CELSR3: variants seen among roughly 807,000 people sequenced by gnomAD.
The protein encoded by CELSR3 is cadherin EGF LAG seven-pass G-type receptor 3.
A neutral mutation model predicts 270.0 loss-of-function variants in CELSR3; 73 were observed. The ratio of observed to expected loss-of-function variants is 0.27; its 90% CI spans 0.22 to 0.33. The LOEUF is 0.33. Ranked by LOEUF, CELSR3 falls within the 10% of genes least tolerant of loss-of-function variation. The pLI, the probability that CELSR3 is intolerant of heterozygous loss-of-function variation, is 1.00. For synonymous variants in CELSR3, 1,780 were observed against 1,905.4 expected (o/e 0.93, Z 1.71); for missense variants, 3,614 against 4,533.8 (o/e 0.80, Z 5.83).
rs200370709 is a variant in CELSR3 at position 48,646,875 on chromosome 3, G to T, written c.7183C>A (p.Pro2395Thr). The change falls in exon 21 of 35, where the codon CCA (proline) becomes ACA (threonine). Residue 2395 changes from proline to threonine, a missense_variant. Coordinates refer to ENST00000164024, the MANE Select transcript of CELSR3 (RefSeq NM_001407.3). The surrounding 1 kb of genome is among the most constrained non-coding windows in gnomAD (Gnocchi z 4.8). ...GGCTCTGGCTCTGGCGGGGCTGGTG[G>T]GGGGACCACACTTGAGGTGGTGGAG... ...ENSTTSSVVP[P>T]PAPPEPEPGI... The T allele has an allele frequency of 1.3e-6, 2 of 1,588,386 alleles. No individual in the cohort carries two copies. Among genetic ancestry groups the T allele is most frequent in the African/African-American group, 1.4e-5 (1 of 73,288 alleles).
In CELSR3 at chr3:48,655,133, A is replaced by T; in HGVS notation, c.4899T>A (p.Asp1633Glu). The change falls in exon 6 of 35, where the codon GAT becomes GAA. Residue 1633 changes from aspartate (D) to glutamate (E), a missense_variant. By Grantham distance (45) the Asp-to-Glu change is conservative. Transcript: ENST00000164024. The surrounding 1 kb of genome is among the most constrained non-coding windows in gnomAD (Gnocchi z 5.8). ...GCAGAGCCACGGCCACATCACAATC[A>T]TCCACGCTTAGCACAGCCACCTTGT... ...SKDKVAVLSVDDCDVAVALQF... is the reference protein window; with the variant it reads ...SKDKVAVLSVEDCDVAVALQF... 1 of 1,613,990 alleles carries T rather than the reference A, an allele frequency of 6.2e-7. No homozygotes were observed.
chr3:48,640,987 G>A lies in CELSR3; in HGVS notation c.9025+337C>T, dbSNP rs1276055051. Reference sequence around the variant, plus strand: ...CGGGTCCCCATAAAAGCAGAGTAGGGGGCAGAAATCTTCCAGATCAGAGCA... The same window carrying A: ...CGGGTCCCCATAAAAGCAGAGTAGGAGGCAGAAATCTTCCAGATCAGAGCA... On this transcript the variant is annotated intron_variant, in intron 33 of 34. Coordinates refer to ENST00000164024, the MANE Select transcript of CELSR3 (RefSeq NM_001407.3). The surrounding 1 kb of genome is among the most constrained non-coding windows in gnomAD (Gnocchi z 7.5). 1.0e-5 allele frequency: 4 copies of A among 383,990 alleles called. No homozygotes were observed. The highest frequency in any genetic ancestry group is 6.7e-4 in the Middle Eastern group (1 of 1,488). The allele number at this position is 383,990 out of a possible 1,614,324, so 23.8% of individuals were successfully genotyped here. A position where few individuals can be genotyped will look rare whatever the true frequency, so the allele number is the denominator to read the frequency against.
Position 48,640,519 on chromosome 3 carries a change from C to T in CELSR3, c.9066G>A (p.Gln3022=), listed in dbSNP as rs2047016207. ...KNRLQYPLVP[Q]TRGAPELSWC... is the part of the protein sequence containing the mutation. ...AGGACAGCTCAGGGGCACCTCGGGT[C>T]TGTGGCACCAGTGGGTATTGCAACC... Residue 3022 remains glutamine, a synonymous_variant, in exon 34 of 35, where the codon CAG becomes CAA. Transcript: ENST00000164024. The surrounding 1 kb of genome is among the most constrained non-coding windows in gnomAD (Gnocchi z 7.5). The T allele has an allele frequency of 6.2e-7, 1 of 1,604,528 alleles. No homozygotes were observed.
Position 48,639,669 on chromosome 3 carries a change from C to G in CELSR3, c.9911+5G>C, listed in dbSNP as rs751231826. On this transcript the variant is annotated splice_donor_5th_base_variant and intron_variant, in intron 34 of 34. Transcript: ENST00000164024. This position sits in a 1 kb window ranked among gnomAD's most constrained non-coding sequence, Gnocchi z 4.1. ...GGTGCAAGCAGGTGGCTGGACCATA[C>G]TTACTCTGAGTCTGGCGACAGCTCC... The G allele has an allele frequency of 3.7e-6, 6 of 1,612,968 alleles. No individual in the cohort carries two copies. The highest frequency in any genetic ancestry group is 2.2e-5 in the South Asian group (2 of 91,066).
Position 48,644,872 on chromosome 3 carries a change from C to A in CELSR3, c.7973-44G>T, listed in dbSNP as rs917270200. 1.9e-6 allele frequency: 3 copies of A among 1,572,846 alleles called. No homozygotes were observed. The African/African-American group carries it at 4.1e-5, about 21-fold the overall frequency. On this transcript the variant is annotated intron_variant, in intron 25 of 34. Coordinates refer to ENST00000164024, the MANE Select transcript of CELSR3 (RefSeq NM_001407.3). This position sits in a 1 kb window ranked among gnomAD's most constrained non-coding sequence, Gnocchi z 4.8. ...AGGACTGAGGGTGTGTGTTCCAGAGCTGCTGACCAGCCCATGTATGGGAGA... is the reference window on the plus strand; with the variant it reads ...AGGACTGAGGGTGTGTGTTCCAGAGATGCTGACCAGCCCATGTATGGGAGA...
Position 48,655,437 on chromosome 3 carries a change from C to T in CELSR3, c.4742-43G>A. The stretch of plus-strand genomic sequence containing the variant: ...GTGGAATCATCAGGAGCAGCGGAGT[C>T]GCCCCATCCCACCCGTCATATAAGC... On this transcript the variant is annotated intron_variant, in intron 4 of 34. Transcript: ENST00000164024. The surrounding 1 kb of genome is among the most constrained non-coding windows in gnomAD (Gnocchi z 5.8). The T allele has an allele frequency of 1.3e-6, 2 of 1,594,826 alleles. No individual in the cohort carries two copies. The highest frequency in any genetic ancestry group is 8.6e-7 in the Non-Finnish European group (1 of 1,162,918).
Position 48,661,051 on chromosome 3 carries a change from A to C in CELSR3, c.1584T>G (p.Thr528=), listed in dbSNP as rs920180241. The C allele has an allele frequency of 6.2e-7, 1 of 1,613,786 alleles. No homozygotes were observed. The highest frequency in any genetic ancestry group is 8.5e-7 in the Non-Finnish European group (1 of 1,180,026). Residue 528 remains threonine, a synonymous_variant, in exon 1 of 35, where the codon ACT becomes ACG. Coordinates refer to ENST00000164024, the MANE Select transcript of CELSR3 (RefSeq NM_001407.3). ...QGQEPGPRSA[T]VRVHITVLDE... Reference sequence around the variant, plus strand: ...CTAGCACAGTTATGTGTACGCGCACAGTGGCCGAGCGCGGCCCGGGTTCCT... The same window carrying C: ...CTAGCACAGTTATGTGTACGCGCACCGTGGCCGAGCGCGGCCCGGGTTCCT...
intron 17 of CELSR3, 23 bp downstream of exon 17, chr3:48,649,098 G>A (rs1264328093): frequency 6.2e-7 from 1 of 1,603,822 alleles, no homozygotes. Flanking sequence ...TTAGGTTGCA[G>A]GAAAAGGTCT....
chr3:48,648,570 A>AG, intron 18 of CELSR3, 109 bp from the exon 19 acceptor site: 1 of 1,376,474 alleles, frequency 7.3e-7, no homozygotes. Context: ...CCAACAGGCA[A>AG]GGGGGCGGGG....
chr3:48,639,701 CTG>C lies in CELSR3; in HGVS notation c.9882_9883del (p.His3294GlnfsTer15). 6.2e-7 allele frequency: 1 copy of C among 1,613,620 alleles called. No homozygotes were observed. Among genetic ancestry groups the C allele is most frequent in the Non-Finnish European group, 8.5e-7 (1 of 1,179,954 alleles). On this transcript the variant is annotated frameshift_variant, in exon 34 of 35. Transcript: ENST00000164024. LOFTEE classifies it high-confidence loss of function. This position sits in a 1 kb window ranked among gnomAD's most constrained non-coding sequence, Gnocchi z 4.1. ...TGAGTCTGGCGACAGCTCCGAGATG[CTG>C]TGAGACGTGGCAGAACGTGGCGTGG...
chr3:48,651,148 G>T lies in CELSR3; in HGVS notation c.6187-73C>A. 1 of 1,491,976 alleles carries T rather than the reference G, an allele frequency of 6.7e-7. No individual in the cohort carries two copies. Among genetic ancestry groups the T allele is most frequent in the East Asian group, 2.3e-5 (1 of 43,822 alleles). 92.4% of individuals were successfully genotyped at this position (1,491,976 alleles called of 1,614,324 possible). A position where few individuals can be genotyped will look rare whatever the true frequency, so the allele number is the denominator to read the frequency against. Reference sequence around the variant, plus strand: ...GGAATGAGTGGAATCAAGGATAAAGGGTCAAGAGAACAGTGCTCATGGGCC... The same window carrying T: ...GGAATGAGTGGAATCAAGGATAAAGTGTCAAGAGAACAGTGCTCATGGGCC... On this transcript the variant is annotated intron_variant, in intron 14 of 34. Transcript: ENST00000164024. The surrounding 1 kb of genome is among the most constrained non-coding windows in gnomAD (Gnocchi z 7.4).
In CELSR3 at chr3:48,646,735, G is replaced by A; in HGVS notation, c.7295+28C>T. The A allele has an allele frequency of 6.3e-7, 1 of 1,589,878 alleles. No homozygotes were observed. Among genetic ancestry groups the A allele is most frequent in the Non-Finnish European group, 8.5e-7 (1 of 1,172,352 alleles). ...GGCTGCCAGGCTGAGAAGTTCGTAG[G>A]AAGCTCAGGGGTGAGGGGCCTGAGT... is the stretch of plus-strand genomic sequence containing the variant. On this transcript the variant is annotated intron_variant, in intron 21 of 34. Coordinates refer to ENST00000164024, the MANE Select transcript of CELSR3 (RefSeq NM_001407.3). The surrounding 1 kb of genome is among the most constrained non-coding windows in gnomAD (Gnocchi z 4.8).
Position 48,656,897 on chromosome 3 carries a change from C to A in CELSR3, c.4200G>T (p.Ala1400=). The A allele has an allele frequency of 6.2e-7, 1 of 1,609,596 alleles. No individual in the cohort carries two copies. Among genetic ancestry groups the A allele is most frequent in the Non-Finnish European group, 8.5e-7 (1 of 1,177,886 alleles). Residue 1400 remains alanine, a synonymous_variant, in exon 2 of 35, where the codon GCG becomes GCT. Transcript: ENST00000164024. ...CVSVLRFDSS[A]PFLASASTLF... Reference sequence around the variant, plus strand: ...GCGTGGAGGCCGAGGCCAGGAAGGGCGCGGACGAGTCAAAGCGGAGCACGG... The same window carrying A: ...GCGTGGAGGCCGAGGCCAGGAAGGGAGCGGACGAGTCAAAGCGGAGCACGG...
rs2077044216 is a variant in CELSR3 at position 48,658,818 on chromosome 3, G to A, written c.3748+69C>T. 1.2e-5 allele frequency: 18 copies of A among 1,552,702 alleles called. No homozygotes were observed. The Admixed American group carries it at 3.0e-4, about 26-fold the overall frequency. ...TAGAAATCCCTCTTTGGTTTGAGGT[G>A]CCCTGTGGAGTCCCTGAGGCCCAAC... On this transcript the variant is annotated intron_variant, in intron 1 of 34. Transcript: ENST00000164024. The surrounding 1 kb of genome is among the most constrained non-coding windows in gnomAD (Gnocchi z 4.7).
chr3:48,641,963 C>T lies in CELSR3; in HGVS notation c.8712G>A (p.Arg2904=), dbSNP rs1381294861. 3 of 1,588,698 alleles carry T rather than the reference C, an allele frequency of 1.9e-6. No individual in the cohort carries two copies. Among genetic ancestry groups the T allele is most frequent in the Admixed American group, 3.7e-5 (2 of 53,432 alleles). The change falls in exon 32 of 35, where the codon AGG becomes AGA. Residue 2904 remains arginine (R), a synonymous_variant. Transcript: ENST00000164024. This position sits in a 1 kb window ranked among gnomAD's most constrained non-coding sequence, Gnocchi z 4.8. ...TTTCTGAAGATGGAATGGAGAGACTCCTCTCCTCCTCCAAGGACAGGTCAC... is the reference window on the plus strand; with the variant it reads ...TTTCTGAAGATGGAATGGAGAGACTTCTCTCCTCCTCCAAGGACAGGTCAC... The part of the protein sequence containing the change: ...SDSDLSLEEE[R]SLSIPSSESE...
Position 48,654,218 on chromosome 3 carries a change from T to C in CELSR3, c.5152+71A>G. The C allele has an allele frequency of 3.1e-6, 5 of 1,593,736 alleles. No homozygotes were observed. Among genetic ancestry groups the C allele is most frequent in the Non-Finnish European group, 3.4e-6 (4 of 1,166,814 alleles). On this transcript the variant is annotated intron_variant, in intron 7 of 34. Transcript: ENST00000164024. This position sits in a 1 kb window ranked among gnomAD's most constrained non-coding sequence, Gnocchi z 5.4. ...AAGGAGACTGGCTTGAAGTCAGGTA[T>C]GGAGTCCTCCACTTCCTCCCTATGA...
chr3:48,644,413 T>C lies in CELSR3; in HGVS notation c.8086-118A>G. Reference sequence around the variant, plus strand: ...GAGAGAGGCAGAACCAGTGAGAAATTCACACATATACACACACACCAAAGG... The same window carrying C: ...GAGAGAGGCAGAACCAGTGAGAAATCCACACATATACACACACACCAAAGG... On this transcript the variant is annotated intron_variant, in intron 26 of 34. Coordinates refer to ENST00000164024, the MANE Select transcript of CELSR3 (RefSeq NM_001407.3). The surrounding 1 kb of genome is among the most constrained non-coding windows in gnomAD (Gnocchi z 4.8). 2.2e-6 allele frequency: 2 copies of C among 912,736 alleles called. No homozygotes were observed. Among genetic ancestry groups the C allele is most frequent in the East Asian group, 5.2e-5 (2 of 38,804 alleles). The allele number at this position is 912,736 out of a possible 1,614,324, so 56.5% of individuals were successfully genotyped here.
Position 48,645,345 on chromosome 3 carries a change from A to G in CELSR3, c.7797+98T>C. The G allele has an allele frequency of 6.4e-7, 1 of 1,567,686 alleles. No homozygotes were observed. Among genetic ancestry groups the G allele is most frequent in the Non-Finnish European group, 8.7e-7 (1 of 1,144,334 alleles). On this transcript the variant is annotated intron_variant, in intron 24 of 34. Coordinates refer to ENST00000164024, the MANE Select transcript of CELSR3 (RefSeq NM_001407.3). This position sits in a 1 kb window ranked among gnomAD's most constrained non-coding sequence, Gnocchi z 5.4. ...CATCCTGCTGAAAACCCTGGCCCCA[A>G]CCTGAGCATCCCTGACCTCTGACCC... is the stretch of plus-strand genomic sequence containing the variant.
rs766079980 is a variant in CELSR3, at chr3:48,640,183, C to T, written c.9402G>A (p.Met3134Ile). Residue 3134 changes from methionine to isoleucine, a missense_variant, in exon 34 of 35, where the codon ATG becomes ATA. Met to Ile is a conservative substitution (Grantham distance 10, BLOSUM62 1). Transcript: ENST00000164024. This position sits in a 1 kb window ranked among gnomAD's most constrained non-coding sequence, Gnocchi z 7.5. ...RQPPRDYPGAMAGRFGSRDAL... is the reference protein window; with the variant it reads ...RQPPRDYPGAIAGRFGSRDAL... Reference sequence around the variant, plus strand: ...CATCCCGTGACCCGAAGCGGCCAGCCATGGCGCCAGGGTAGTCCCGAGGTG... The same window carrying T: ...CATCCCGTGACCCGAAGCGGCCAGCTATGGCGCCAGGGTAGTCCCGAGGTG... The T allele has an allele frequency of 6.2e-7, 1 of 1,612,728 alleles. No individual in the cohort carries two copies. Among genetic ancestry groups the T allele is most frequent in the East Asian group, 2.2e-5 (1 of 44,868 alleles).
Sources: allele counts gnomAD v4.1 joint callset, GRCh38; gene constraint gnomAD v4.1.1; non-coding constraint Gnocchi (gnomAD v3.1); transcripts MANE v1.5; gene names NCBI Gene and HGNC (gene_info 2026-07-23, HGNC 2026-07-21).